The following DOK4 variants were observed in gnomAD, a reference collection of about 807,000 sequenced individuals.
DOK4 encodes downstream of tyrosine kinase 4.
A neutral mutation model predicts 40.1 loss-of-function variants in DOK4; 26 were observed. The ratio of observed to expected loss-of-function variants is 0.65; its 90% CI spans 0.48 to 0.90. The LOEUF (loss-of-function observed/expected upper bound fraction) is 0.90, where lower values mean the gene tolerates loss of function less well. DOK4 is among the 40% of genes least tolerant of loss of function. The pLI is 0.00. For synonymous variants in DOK4, 179 were observed against 177.0 expected (o/e 1.01, Z -0.09); for missense variants, 392 against 437.2 (o/e 0.90, Z 0.92).
In DOK4 at chr16:57,474,842, G is replaced by A. The variant is rs558785629; in HGVS notation, c.550C>T (p.Leu184=). Reference sequence around the variant, plus strand: ...GTGGCATCCCGGCCATAGCGGCGCAGTGAGCAGAGGGGCCACGAGACGAGC... The same window carrying A: ...GTGGCATCCCGGCCATAGCGGCGCAATGAGCAGAGGGGCCACGAGACGAGC... Residue 184 remains leucine, a synonymous_variant, in exon 6 of 9, where the codon CTG becomes TTG. Coordinates refer to ENST00000340099, the Ensembl canonical transcript of DOK4. 7.4e-6 allele frequency: 12 copies of A among 1,614,206 alleles called. No individual in the cohort carries two copies. In the South Asian group the frequency reaches 1.1e-4, roughly 15 times the overall value.
At chr16:57,478,492 AC>A (rs1320851476) in intron 2 of DOK4, 1 of 152,142 alleles carries the variant, frequency 6.6e-6, no homozygotes, top group Non-Finnish European at 1.5e-5. Context: ...GACTTGGGTG[AC>A]CTCAGTCACC....
chr16:57,483,332 G>A (rs1212407032), intron 1 of DOK4, among the ~76,000 whole-genome samples: 4 of 152,168 alleles, frequency 2.6e-5, no homozygotes, highest in African/African-American at 7.2e-5. Context: ...CAATAGGACA[G>A]CAAGAAGTGG....
exon 9 of DOK4, chr16:57,473,184 C>A: frequency 1.4e-6 from 1 of 739,180 alleles, no homozygotes; most frequent in Non-Finnish European, 2.2e-6. Context: ...AGCTCCAACC[C>A]CTCACACATG....
chr16:57,487,235 C>T (rs895460460), upstream of DOK4: 1 of 152,238 alleles, frequency 6.6e-6, no homozygotes, highest in Admixed American at 6.5e-5. Flanking sequence ...CTCTGGTTTT[C>T]ACGTCTGTAC....
intron 1 of DOK4, among the ~76,000 whole-genome samples, chr16:57,482,358 C>CTTT (rs1437029605): frequency 3.7e-4 from 41 of 111,824 alleles, no homozygotes; most frequent in African/African-American, 1.2e-3. Flanking sequence ...AGAGATGGGG[C>CTTT]TTTTGTTTTT....
At chr16:57,474,269 C>T (rs1352716370) in intron 6 of DOK4, among the ~76,000 whole-genome samples, 1 of 152,192 alleles carries the variant, frequency 6.6e-6, no homozygotes, top group African/African-American at 2.4e-5. Context: ...TCTCTACCAC[C>T]TCCCTCTGGT....
exon 9 of DOK4, chr16:57,472,947 G>A (rs1338381394): frequency 6.0e-6 from 1 of 165,474 alleles, no homozygotes; most frequent in Non-Finnish European, 1.3e-5. Context: ...CCCTCCTGTG[G>A]CCCTGGTAGT....
intron 1 of DOK4, chr16:57,481,514 C>T (rs2031407636): frequency 1.3e-5 from 2 of 152,302 alleles, no homozygotes; most frequent in African/African-American, 4.8e-5. Flanking sequence ...GTCTTCACCG[C>T]CTGCCTCTGG....
At chr16:57,481,689 A>G (rs1178584190) in intron 1 of DOK4, 1 of 152,278 alleles carries the variant, frequency 6.6e-6, no homozygotes, top group African/African-American at 2.4e-5. Context: ...CAGACATAGC[A>G]CAGCCCGGAG....
At chr16:57,480,554 A>T (rs1283867395) in intron 1 of DOK4, 1 of 152,440 alleles carries the variant, frequency 6.6e-6, no homozygotes, top group Non-Finnish European at 1.5e-5. Flanking sequence ...CCGGGCCCCA[A>T]CAGGCCACTG....
At chr16:57,471,954 G>A (rs1279812856), downstream of DOK4, 3 of 152,840 alleles carry the variant, frequency 2.0e-5, no homozygotes, top group Non-Finnish European at 1.5e-5. Context: ...TTGATTAACA[G>A]AAGTTGTCTT....
chr16:57,474,177 G>C, intron 6 of DOK4, 138 bp from the exon 7 acceptor site: 1 of 1,127,464 alleles, frequency 8.9e-7, no homozygotes, highest in Non-Finnish European at 1.3e-6. Flanking sequence ...CTGGGGGTCC[G>C]ACCACACGGT....
In DOK4 at chr16:57,485,211, C is replaced by G. The variant is rs548550206; in HGVS notation, c.-182+1094G>C. 3.0e-4 allele frequency among the ~76,000 whole-genome samples: 46 copies of G among 152,376 alleles called. No homozygotes were observed. The highest frequency in any genetic ancestry group is 3.1e-4 in the Non-Finnish European group (21 of 68,034). ...CCAAGACCCGCAGTTTGGTTCAGAG[C>G]TGCCTCAGGGAAGAGCATGCTGCTG... On this transcript the variant is annotated intron_variant, in intron 1 of 8. Coordinates refer to ENST00000340099, the Ensembl canonical transcript of DOK4. This position sits in a 1 kb window ranked among gnomAD's most constrained non-coding sequence, Gnocchi z 4.3.
At chr16:57,476,015 T>TGGCCCTGCAGCC in intron 2 of DOK4, 58 bp from the exon 3 acceptor site, 4 of 1,432,158 alleles carry the variant, frequency 2.8e-6, no homozygotes, top group Admixed American at 3.8e-5. Context: ...CCCACCAGCA[T>TGGCCCTGCAGCC]GGCCCTGCAG....
Position 57,473,933 on chromosome 16 carries a change from G to A in DOK4, c.706C>T (p.Arg236Trp), listed in dbSNP as rs372490578. Residue 236 changes from arginine (R) to tryptophan (W), a missense_variant, in exon 7 of 9, where the codon CGG (arginine) becomes TGG (tryptophan). By Grantham distance (101) the Arg-to-Trp change is moderately radical. Coordinates refer to ENST00000340099, the Ensembl canonical transcript of DOK4. ...TTCTTCTCCATTTCCAGCAGGACCC[G>A]CTTGTGCTGCTCTGCGATGGCCAGG... 2.2e-5 allele frequency: 33 copies of A among 1,530,286 alleles called. No individual in the cohort carries two copies. The African/African-American group carries it at 3.5e-4, about 16-fold the overall frequency. The allele number at this position is 1,530,286 out of a possible 1,614,324, so 94.8% of individuals were successfully genotyped here.
In DOK4 at chr16:57,475,083, C is replaced by A; in HGVS notation, c.409+17G>T. The A allele has an allele frequency of 6.2e-7, 1 of 1,608,630 alleles. No homozygotes were observed. Among genetic ancestry groups the A allele is most frequent in the Non-Finnish European group, 8.5e-7 (1 of 1,176,766 alleles). The stretch of plus-strand genomic sequence containing the variant: ...CTCCTCCCCCTCCCCACCCCCAGGG[C>A]CAGGGCCCGGCCTCACCTGTCTGTT... On this transcript the variant is annotated intron_variant, in intron 5 of 8. Transcript: ENST00000340099.
intron 6 of DOK4, chr16:57,474,579 G>T: frequency 1.6e-6 from 1 of 637,244 alleles, no homozygotes; most frequent in Non-Finnish European, 2.7e-6. Flanking sequence ...ATGATTTTTG[G>T]TAAATAGCTT....
intron 6 of DOK4, among the ~76,000 whole-genome samples, chr16:57,474,369 C>T (rs2031042852): frequency 6.6e-6 from 1 of 152,022 alleles, no homozygotes; most frequent in Non-Finnish European, 1.5e-5. Context: ...AGCTAAGTAA[C>T]TCAACCAAGG....
At chr16:57,483,490 GC>G (rs1435282753) in intron 1 of DOK4, among the ~76,000 whole-genome samples, 1 of 152,050 alleles carries the variant, frequency 6.6e-6, no homozygotes, top group African/African-American at 2.4e-5. Flanking sequence ...AATAAGCTGG[GC>G]ATGTGGCACG....
Sources: gnomAD v4.1 joint callset for allele counts (sites outside exome capture counted in the v4.1 genomes callset) on GRCh38, gnomAD v4.1.1 for gene constraint, Gnocchi (gnomAD v3.1) non-coding constraint, MANE v1.5 for transcripts, NCBI Gene and HGNC (gene_info 2026-07-23, HGNC 2026-07-21) for gene names.